The following ETS1 variants were observed in gnomAD, a reference collection of about 807,000 sequenced individuals.
ETS1 encodes ETS proto-oncogene 1, transcription factor.
Under a neutral mutation model 58.6 loss-of-function variants are expected in ETS1, and 15 were observed. The observed-to-expected ratio is 0.26, with a 90% CI of 0.17 to 0.39. The LOEUF (loss-of-function observed/expected upper bound fraction) is 0.39. Among genes scored for constraint, ETS1 ranks in the 10% least tolerant of loss-of-function variants. The pLI, the probability that ETS1 is intolerant of heterozygous loss-of-function variation, is 1.00. For missense variants in ETS1, 417 were observed against 610.5 expected (o/e 0.68, Z 3.34); for synonymous variants, 214 against 218.2 (o/e 0.98, Z 0.17).
intron 7 of ETS1, among the ~76,000 whole-genome samples, chr11:128,481,009 G>T (rs1862471074): frequency 6.6e-6 from 1 of 152,098 alleles, no homozygotes; most frequent in Non-Finnish European, 1.5e-5. Context: ...CTATTTTTTA[G>T]CATTTTTCCC....
chr11:128,525,715 T>G (rs1202346898), intron 3 of ETS1, among the ~76,000 whole-genome samples: 1 of 151,738 alleles, frequency 6.6e-6, no homozygotes, highest in African/African-American at 2.4e-5. Flanking sequence ...CAACAGTCTC[T>G]GTCATACACA....
At chr11:128,475,953 C>A (rs886268213) in intron 8 of ETS1, among the ~76,000 whole-genome samples, 1 of 152,004 alleles carries the variant, frequency 6.6e-6, no homozygotes, top group Non-Finnish European at 1.5e-5. Context: ...CAGATAGTCC[C>A]AAATTTAGCC....
At chr11:128,479,720 C>A (rs1006466417) in intron 8 of ETS1, among the ~76,000 whole-genome samples, 1 of 152,138 alleles carries the variant, frequency 6.6e-6, no homozygotes, top group African/African-American at 2.4e-5. Flanking sequence ...ACTGTTCCCA[C>A]ATTTGAACAG....
intron 1 of ETS1, among the ~76,000 whole-genome samples, chr11:128,578,917 A>G (rs1443252141): frequency 6.6e-6 from 1 of 152,242 alleles, no homozygotes; most frequent in South Asian, 2.1e-4. Context: ...TTGTCATTAT[A>G]AAAATTCCTA....
At chr11:128,573,284 A>G in intron 1 of ETS1, 140 bp from the exon 2 acceptor site, 1 of 631,452 alleles carries the variant, frequency 1.6e-6, no homozygotes, top group Non-Finnish European at 2.8e-6. Flanking sequence ...CAGGGAAAGC[A>G]ATGGAAATTC....
At chr11:128,516,580 T>C (rs1278963256) in intron 3 of ETS1, among the ~76,000 whole-genome samples, 1 of 152,106 alleles carries the variant, frequency 6.6e-6, no homozygotes, top group East Asian at 1.9e-4. Flanking sequence ...GCCTTAACCT[T>C]AAACAAGTGG....
chr11:128,548,763 G>A (rs1052107834), intron 3 of ETS1, among the ~76,000 whole-genome samples: 22 of 152,294 alleles, frequency 1.4e-4, no homozygotes, highest in African/African-American at 3.1e-4. Flanking sequence ...CCCCAGCTCC[G>A]GGCCGGCTTC....
Position 128,568,936 on chromosome 11 carries a change from T to G in ETS1, c.69+4126A>C, listed in dbSNP as rs547668761. Among the ~76,000 whole-genome samples the G allele has an allele frequency of 2.0e-5, 3 of 152,354 alleles. No homozygotes were observed. In the South Asian group the frequency reaches 6.2e-4, roughly 32 times the overall value. On this transcript the variant is annotated intron_variant, in intron 2 of 9. Coordinates refer to ENST00000392668, the MANE Select transcript of ETS1 (RefSeq NM_001143820.2). ...GAGCAGGAACACAGTCTTACTTTCT[T>G]TTGTTAGATTTCCCTTTCTAAAGCA...
At chr11:128,474,410 G>A (rs1283309543) in intron 8 of ETS1, among the ~76,000 whole-genome samples, 2 of 152,190 alleles carry the variant, frequency 1.3e-5, no homozygotes, top group South Asian at 4.1e-4. Context: ...AGTTCATAGT[G>A]AGGACGAATC....
At chr11:128,548,413 G>T (rs1864171455) in intron 3 of ETS1, among the ~76,000 whole-genome samples, 1 of 151,954 alleles carries the variant, frequency 6.6e-6, no homozygotes, top group Non-Finnish European at 1.5e-5. Context: ...CTGAGGCTCA[G>T]AGGGTTCAGT....
intron 3 of ETS1, among the ~76,000 whole-genome samples, chr11:128,548,838 GT>G (rs2135550171): frequency 6.6e-6 from 1 of 152,360 alleles, no homozygotes; most frequent in East Asian, 1.9e-4. Flanking sequence ...AATGATTTCT[GT>G]TTTATTTCAG....
intron 3 of ETS1, among the ~76,000 whole-genome samples, chr11:128,543,280 T>C (rs1259693262): frequency 6.6e-6 from 1 of 152,024 alleles, no homozygotes; most frequent in Admixed American, 6.6e-5. Flanking sequence ...TATATGCACA[T>C]AGAAAAGTAC....
chr11:128,580,047 T>C lies in ETS1; in HGVS notation c.-14-6903A>G, dbSNP rs560835751. On this transcript the variant is annotated intron_variant, in intron 1 of 9. Transcript: ENST00000392668. ...GGATGGTGTCTTTTCAGATGACACA[T>C]AGTAGCCATGCAACAAGTGTCTGTT... Among the ~76,000 whole-genome samples the C allele has an allele frequency of 9.9e-5, 15 of 152,134 alleles. No homozygotes were observed. The South Asian group carries it at 2.3e-3, about 23-fold the overall frequency.
chr11:128,509,550 ATTTTTTTTTTTTTTT>A (rs59753000), intron 3 of ETS1, among the ~76,000 whole-genome samples: 1 of 95,102 alleles, frequency 1.1e-5, no homozygotes, highest in African/African-American at 4.3e-5. Flanking sequence ...TCAGGTGAAA[ATTTTTTTTTTTTTTT>A]TTTTTTTTTT....
In ETS1 at chr11:128,556,287, C is replaced by T. The variant is rs773460428; in HGVS notation, c.214+4G>A. ...TCATTCCCAGCTTTTGTTTATGTTC[C>T]TACCTGAGACACAGTGTTCAAGACC... On this transcript the variant is annotated splice_donor_region_variant and intron_variant, in intron 3 of 9. Transcript: ENST00000392668. 281 of 1,602,988 alleles carry T rather than the reference C, an allele frequency of 1.8e-4. No individual in the cohort carries two copies. Among genetic ancestry groups the T allele is most frequent in the Non-Finnish European group, 2.2e-4 (260 of 1,176,138 alleles).
chr11:128,469,400 T>C (rs1428512630), intron 8 of ETS1, among the ~76,000 whole-genome samples: 3 of 152,164 alleles, frequency 2.0e-5, no homozygotes, highest in Admixed American at 6.5e-5. Context: ...AGCCAAACGA[T>C]GATGGCAAAA....
intron 8 of ETS1, among the ~76,000 whole-genome samples, chr11:128,469,292 G>A (rs936954943): frequency 7.9e-5 from 12 of 152,126 alleles, no homozygotes; most frequent in African/African-American, 2.7e-4. Flanking sequence ...CTTGCAATAG[G>A]GCTGACTCTG....
chr11:128,496,907 T>G (rs1418950404), intron 3 of ETS1, among the ~76,000 whole-genome samples: 1 of 152,006 alleles, frequency 6.6e-6, no homozygotes, highest in African/African-American at 2.4e-5. Context: ...CCCAATGATG[T>G]GACAACACAA....
chr11:128,494,392 T>C (rs1488940527), intron 3 of ETS1, among the ~76,000 whole-genome samples: 1 of 152,232 alleles, frequency 6.6e-6, no homozygotes, highest in African/African-American at 2.4e-5. Flanking sequence ...AAGCTGGTGA[T>C]TAAATAACCA....
Sources: allele counts gnomAD v4.1 joint callset (sites outside exome capture counted in the v4.1 genomes callset), GRCh38; gene constraint gnomAD v4.1.1; transcripts MANE v1.5; gene names NCBI Gene and HGNC (gene_info 2026-07-23, HGNC 2026-07-21).